The following FER variants were observed in gnomAD, a reference collection of about 807,000 sequenced individuals.
FER encodes the protein tyrosine-protein kinase Fer.
Under a neutral mutation model 111.0 loss-of-function variants are expected in FER, and 63 were observed. The ratio of observed to expected loss-of-function variants is 0.57; its 90% CI spans 0.46 to 0.70. The LOEUF is 0.70. Ranked by LOEUF, FER falls within the 30% of genes least tolerant of loss-of-function variation. The pLI, the probability that FER is intolerant of heterozygous loss-of-function variation, is 0.00. For missense variants in FER, 914 were observed against 954.0 expected, an observed-to-expected ratio of 0.96 and a Z score of 0.55; for synonymous variants, 327 against 313.9, an observed-to-expected ratio of 1.04 and a Z score of -0.44.
intron 16 of FER, among the ~76,000 whole-genome samples, chr5:109,068,180 CT>C (rs201278494): frequency 2.2e-4 from 32 of 144,762 alleles, no homozygotes; most frequent in Middle Eastern, 3.6e-3. Flanking sequence ...TCAGTCATCT[CT>C]TTTTTTTTTT....
At chr5:108,993,924 T>C (rs1763665560) in intron 13 of FER, among the ~76,000 whole-genome samples, 1 of 152,212 alleles carries the variant, frequency 6.6e-6, no homozygotes, top group Non-Finnish European at 1.5e-5. Flanking sequence ...TTAAATGTCT[T>C]CTTTTCAGAA....
rs1171827558 is a variant in FER at position 109,194,552 on chromosome 5, A to C, written c.*6977A>C. ...AGAAGCCAGATTCAAATTGTAACCA[A>C]AGAAGACAATAGAAATCCCACTTTA... On this transcript the variant is annotated 3_prime_UTR_variant, in exon 20 of 20. Transcript: ENST00000281092. The C allele has an allele frequency of 6.6e-6, 1 of 152,210 alleles. No individual in the cohort carries two copies. Among genetic ancestry groups the C allele is most frequent in the African/African-American group, 2.4e-5 (1 of 41,442 alleles). 9.4% of individuals were successfully genotyped at this position (152,210 alleles called of 1,614,324 possible). A position where few individuals can be genotyped will look rare whatever the true frequency, so the allele number is the denominator to read the frequency against.
rs543576949 is a variant in FER at position 108,763,365 on chromosome 5, C to G, written c.-205-4728C>G. 1.1e-3 allele frequency among the ~76,000 whole-genome samples: 170 copies of G among 152,252 alleles called. 1 individual carries two copies. The highest frequency in any genetic ancestry group is 3.9e-3 in the African/African-American group (163 of 41,540). On this transcript the variant is annotated intron_variant, in intron 1 of 19. Coordinates refer to ENST00000281092, the MANE Select transcript of FER (RefSeq NM_005246.4). Reference sequence around the variant, plus strand: ...TATCTTAGTGCTAGTTCTCCCTGCCCCATCTCTGTGACAAAACAATGTGAT... The same window carrying G: ...TATCTTAGTGCTAGTTCTCCCTGCCGCATCTCTGTGACAAAACAATGTGAT...
chr5:109,067,938 T>G (rs1775308905), intron 16 of FER, among the ~76,000 whole-genome samples: 2 of 152,100 alleles, frequency 1.3e-5, no homozygotes, highest in Admixed American at 1.3e-4. Context: ...GTATAGGAGA[T>G]GAGTTTACAA....
In FER at chr5:109,051,276, C is replaced by G. The variant is rs138502551; in HGVS notation, c.1924+4078C>G. 1.0e-3 allele frequency: 1,400 copies of G among 1,345,314 alleles called. 10 individuals are homozygous for G. The African/African-American group carries it at 0.017, about 16-fold the overall frequency. 83.3% of individuals were successfully genotyped at this position (1,345,314 alleles called of 1,614,324 possible). On this transcript the variant is annotated intron_variant, in intron 16 of 19. Transcript: ENST00000281092. ...TCTACAGCACCTTTTTTCTTCTCCACAAGTGAGAGGAATCTTGATACTTTC... is the reference window on the plus strand; with the variant it reads ...TCTACAGCACCTTTTTTCTTCTCCAGAAGTGAGAGGAATCTTGATACTTTC...
At chr5:109,001,133 A>G (rs140471309) in intron 13 of FER, among the ~76,000 whole-genome samples, 28,177 of 152,132 alleles carry the variant, frequency 0.19, 2,816 homozygotes, top group Non-Finnish European at 0.22. Flanking sequence ...CTCATTTTAT[A>G]AGGCCAGCAT....
In FER at chr5:108,834,038, A is replaced by G. The variant is rs141193300; in HGVS notation, c.381+1095A>G. Among the ~76,000 whole-genome samples, 16 of 152,314 alleles carry G rather than the reference A, an allele frequency of 1.1e-4. No individual in the cohort carries two copies. In the East Asian group the frequency reaches 2.9e-3, roughly 28 times the overall value. On this transcript the variant is annotated intron_variant, in intron 4 of 19. Transcript: ENST00000281092. ...AATACCATCTATACCTTGCATTTGAATGATACTTTTAAAAAATATGTAGGT... is the reference window on the plus strand; with the variant it reads ...AATACCATCTATACCTTGCATTTGAGTGATACTTTTAAAAAATATGTAGGT...
chr5:108,826,765 A>G (rs1759516149), intron 3 of FER, among the ~76,000 whole-genome samples: 1 of 152,192 alleles, frequency 6.6e-6, no homozygotes, highest in Non-Finnish European at 1.5e-5. Flanking sequence ...TTACTGATTC[A>G]GTCTCCCTAC....
chr5:109,150,420 AT>A (rs1210764904), intron 17 of FER, among the ~76,000 whole-genome samples: 1 of 151,994 alleles, frequency 6.6e-6, no homozygotes, highest in Non-Finnish European at 1.5e-5. Context: ...AGCAAGCCCC[AT>A]TTCTCTACCA....
At chr5:108,785,485 T>G in intron 2 of FER, 1 of 571,010 alleles carries the variant, frequency 1.8e-6, no homozygotes, top group Non-Finnish European at 3.5e-6. Context: ...GGTCTGTTGG[T>G]GGTCATTTGT....
chr5:108,885,427 G>T (rs568763855), intron 9 of FER, among the ~76,000 whole-genome samples: 1 of 151,752 alleles, frequency 6.6e-6, no homozygotes, highest in South Asian at 2.1e-4. Context: ...TTTTTGTCTG[G>T]GTCTGTTTGG....
chr5:109,046,383 A>G (rs1387178850), intron 15 of FER, among the ~76,000 whole-genome samples: 1 of 152,148 alleles, frequency 6.6e-6, no homozygotes, highest in African/African-American at 2.4e-5. Context: ...AGCAGCTTAC[A>G]ATTTTTGGCC....
At chr5:108,889,411 C>T (rs1747678009) in intron 9 of FER, among the ~76,000 whole-genome samples, 1 of 151,878 alleles carries the variant, frequency 6.6e-6, no homozygotes, top group South Asian at 2.1e-4. Context: ...ATGGATGGCA[C>T]TGGAGGTCAT....
At chr5:109,154,747 C>T (rs974795396) in intron 17 of FER, among the ~76,000 whole-genome samples, 1 of 151,874 alleles carries the variant, frequency 6.6e-6, no homozygotes, top group Admixed American at 6.6e-5. Context: ...ACCACATTAT[C>T]TTAAGACCCT....
chr5:108,999,104 A>G (rs979176236), intron 13 of FER, among the ~76,000 whole-genome samples: 8 of 152,208 alleles, frequency 5.3e-5, no homozygotes, highest in Non-Finnish European at 1.2e-4. Context: ...TTGAAACATT[A>G]TGCATAAACT....
At chr5:108,913,116 A>AT (rs1361557995) in intron 10 of FER, among the ~76,000 whole-genome samples, 1 of 152,206 alleles carries the variant, frequency 6.6e-6, no homozygotes, top group Non-Finnish European at 1.5e-5. Context: ...AGTATTGAGA[A>AT]TGTAAATATC....
In FER at chr5:108,946,225, A is replaced by G. The variant is rs751992330; in HGVS notation, c.1329+3A>G. 1 of 1,602,182 alleles carries G rather than the reference A, an allele frequency of 6.2e-7. No individual in the cohort carries two copies. The highest frequency in any genetic ancestry group is 8.5e-7 in the Non-Finnish European group (1 of 1,170,386). ...AATCTGCACTGGGCTCTTCAGCAGT[A>G]AGTAGGATTAACTCTCTGTGCTACT... On this transcript the variant is annotated splice_donor_region_variant and intron_variant, in intron 11 of 19. Transcript: ENST00000281092.
At position 109,146,422 on chromosome 5, in the gene FER, T is replaced by C. The variant is rs557195312; in HGVS notation, c.2049-34325T>C. On this transcript the variant is annotated intron_variant, in intron 17 of 19. Coordinates refer to ENST00000281092, the MANE Select transcript of FER (RefSeq NM_005246.4). ...CAGCTGGCGTTAAAGAGGTTAAATATCTAAATTCCAAAGTTACTGACTCAA... is the reference window on the plus strand; with the variant it reads ...CAGCTGGCGTTAAAGAGGTTAAATACCTAAATTCCAAAGTTACTGACTCAA... Among the ~76,000 whole-genome samples, 5 of 150,780 alleles carry C rather than the reference T, an allele frequency of 3.3e-5. No homozygotes were observed. The South Asian group carries it at 1.0e-3, about 32-fold the overall frequency.
chr5:108,972,462 C>T (rs972534745), intron 13 of FER, among the ~76,000 whole-genome samples: 8 of 152,150 alleles, frequency 5.3e-5, no homozygotes, highest in Non-Finnish European at 1.5e-5. Flanking sequence ...CTTTAGTTGA[C>T]ATACATACTC....
Sources: allele counts gnomAD v4.1 joint callset (sites outside exome capture counted in the v4.1 genomes callset), GRCh38; gene constraint gnomAD v4.1.1; transcripts MANE v1.5; gene names NCBI Gene and HGNC (gene_info 2026-07-23, HGNC 2026-07-21).